MRC1: variants seen among roughly 807,000 people sequenced by gnomAD.
The protein encoded by MRC1 is macrophage mannose receptor 1.
MRC1 carries 62 observed loss-of-function variants against 102.9 expected under a neutral mutation model. The ratio of observed to expected loss-of-function variants is 0.60; its 90% CI spans 0.49 to 0.74. The LOEUF is 0.74. Among genes scored for constraint, MRC1 ranks in the 30% least tolerant of loss-of-function variants. The probability of loss-of-function intolerance (pLI) is 0.00; values close to 1 mark genes in which losing one functional copy is unlikely to be tolerated. For missense variants in MRC1, 1,237 were observed against 862.8 expected, an observed-to-expected ratio of 1.43 and a Z score of -5.43; for synonymous variants, 457 against 298.4, an observed-to-expected ratio of 1.53 and a Z score of -5.48.
At chr10:17,831,686 T>G (rs1430347927) in intron 3 of MRC1, among the ~76,000 whole-genome samples, 2 of 151,440 alleles carry the variant, frequency 1.3e-5, no homozygotes, top group African/African-American at 4.9e-5. Flanking sequence ...ACTTCCTTTT[T>G]TCCTTACAAA....
rs1305039013 is a variant in MRC1, at chr10:17,910,314, C to T, written c.4220C>T (p.Ala1407Val). 2.6e-6 allele frequency: 2 copies of T among 780,662 alleles called. No individual in the cohort carries two copies. The highest frequency in any genetic ancestry group is 4.8e-6 in the Non-Finnish European group (2 of 417,964). The allele number at this position is 780,662 out of a possible 1,614,324, so 48.4% of individuals were successfully genotyped here. A position where few individuals can be genotyped will look rare whatever the true frequency, so the allele number is the denominator to read the frequency against. ...LLILTGAGLA[A>V]YFFYKKRRVH... is the part of the protein sequence containing the mutation. ...ATTTTAACGGGTGCTGGCCTTGCCG[C>T]CTATTTCTTTTATAAGAAAAGACGT... Residue 1407 changes from alanine to valine, a missense_variant, in exon 30 of 30, where the codon GCC becomes GTC. Physicochemically the swap from Ala to Val is moderately conservative, Grantham distance 64. Coordinates refer to ENST00000569591, the MANE Select transcript of MRC1 (RefSeq NM_002438.4).
chr10:17,812,075 C>G (rs1838231872), intron 1 of MRC1, among the ~76,000 whole-genome samples: 1 of 152,128 alleles, frequency 6.6e-6, no homozygotes. Flanking sequence ...TATTTCTTTT[C>G]AATCCACACC....
At chr10:17,906,783 T>C (rs1833901736) in intron 26 of MRC1, 103 bp from the exon 27 acceptor site, 2 of 775,510 alleles carry the variant, frequency 2.6e-6, no homozygotes, top group Non-Finnish European at 4.8e-6. Context: ...TAAGTGGAGA[T>C]GTTAGGCTGA....
At chr10:17,840,849 T>C (rs1838739175) in intron 5 of MRC1, 43 bp downstream of exon 5, 1 of 780,576 alleles carries the variant, frequency 1.3e-6, no homozygotes, top group Non-Finnish European at 2.4e-6. Flanking sequence ...CAAATTTAAG[T>C]CATCTAGACG....
At chr10:17,908,077 A>T (rs1330874632) in intron 28 of MRC1, among the ~76,000 whole-genome samples, 1 of 152,222 alleles carries the variant, frequency 6.6e-6, no homozygotes, top group Non-Finnish European at 1.5e-5. Context: ...ATCAGAATTG[A>T]TTGTGGAATG....
intron 4 of MRC1, among the ~76,000 whole-genome samples, chr10:17,837,021 GAGA>G (rs1838675659): frequency 6.6e-6 from 1 of 152,190 alleles, no homozygotes; most frequent in Admixed American, 6.5e-5. Flanking sequence ...ACCAGCTACA[GAGA>G]AGGAGCAAGT....
chr10:17,845,068 C>T (rs1838805340), intron 5 of MRC1: 2 of 768,782 alleles, frequency 2.6e-6, no homozygotes, highest in Non-Finnish European at 4.9e-6. Flanking sequence ...TTTGCTTTAT[C>T]AACATTCTAA....
intron 11 of MRC1, chr10:17,865,307 C>G (rs1382299034): frequency 6.6e-6 from 1 of 152,154 alleles, no homozygotes; most frequent in African/African-American, 2.4e-5. Flanking sequence ...ATTGAACTTT[C>G]TGAAACATAG....
intron 17 of MRC1, among the ~76,000 whole-genome samples, chr10:17,877,248 A>G (rs1042068468): frequency 6.7e-6 from 1 of 148,228 alleles, no homozygotes; most frequent in Non-Finnish European, 1.5e-5. Flanking sequence ...ATTATAATAT[A>G]TATGTAATAT....
Position 17,894,282 on chromosome 10 carries a change from A to G in MRC1, c.3220A>G (p.Lys1074Glu). The G allele has an allele frequency of 3.4e-6, 3 of 872,722 alleles. No individual in the cohort carries two copies. The highest frequency in any genetic ancestry group is 6.0e-6 in the Non-Finnish European group (3 of 501,506). The allele number at this position is 872,722 out of a possible 1,614,324, so 54.1% of individuals were successfully genotyped here. A position where few individuals can be genotyped will look rare whatever the true frequency, so the allele number is the denominator to read the frequency against. ...ATGGATGGATGATACCTGCGACAGT[A>G]AACGAGGCTACATATGCCAGACACG... is the stretch of plus-strand genomic sequence containing the variant. ...GKWMDDTCDSKRGYICQTRSD... is the reference protein window; with the variant it reads ...GKWMDDTCDSERGYICQTRSD... Residue 1074 changes from lysine to glutamate, a missense_variant, in exon 23 of 30, where the codon AAA (lysine) becomes GAA (glutamate). Lys to Glu is a moderately conservative substitution (Grantham distance 56). Transcript: ENST00000569591.
In MRC1 at chr10:17,852,218, A is replaced by C. The variant is rs893157678; in HGVS notation, c.1250-749A>C. ...TCAATAATGTTCTCCATAGAATTTCAAAACAAAATGATCATGTTTTAAATC... is the reference window on the plus strand; with the variant it reads ...TCAATAATGTTCTCCATAGAATTTCCAAACAAAATGATCATGTTTTAAATC... On this transcript the variant is annotated intron_variant, in intron 7 of 29. Transcript: ENST00000569591. Among the ~76,000 whole-genome samples the C allele has an allele frequency of 3.3e-5, 5 of 152,212 alleles. No homozygotes were observed. The South Asian group carries it at 1.0e-3, about 31-fold the overall frequency.
chr10:17,849,681 C>A lies in MRC1; in HGVS notation c.1166C>A (p.Thr389Asn). The change falls in exon 7 of 30, where the codon ACC (threonine) becomes AAC (asparagine). Residue 389 changes from threonine to asparagine, a missense_variant. Physicochemically the swap from Thr to Asn is moderately conservative, Grantham distance 65. Transcript: ENST00000569591. ...AAAAAAATCCAGAGGGATGCTCTGACCACCTGCAGGAAGGAAGGCGGTGAC... is the reference window on the plus strand; with the variant it reads ...AAAAAAATCCAGAGGGATGCTCTGAACACCTGCAGGAAGGAAGGCGGTGAC... ...DEKKIQRDAL[T>N]TCRKEGGDLT... 1 of 780,936 alleles carries A rather than the reference C, an allele frequency of 1.3e-6. No homozygotes were observed. Among genetic ancestry groups the A allele is most frequent in the Non-Finnish European group, 2.4e-6 (1 of 418,112 alleles). The allele number at this position is 780,936 out of a possible 1,614,324, so 48.4% of individuals were successfully genotyped here.
At chr10:17,846,268 C>T (rs1298549263) in intron 6 of MRC1, among the ~76,000 whole-genome samples, 1 of 152,210 alleles carries the variant, frequency 6.6e-6, no homozygotes, top group Non-Finnish European at 1.5e-5. Context: ...TTGTGTTGTC[C>T]CTTACAATTT....
Position 17,898,238 on chromosome 10 carries a change from G to A in MRC1, c.3455G>A (p.Arg1152His), listed in dbSNP as rs1014903274. The A allele has an allele frequency of 4.2e-5, 33 of 780,714 alleles. No individual in the cohort carries two copies. The highest frequency in any genetic ancestry group is 6.2e-5 in the Non-Finnish European group (26 of 417,946). 48.4% of individuals were successfully genotyped at this position (780,714 alleles called of 1,614,324 possible). A position where few individuals can be genotyped will look rare whatever the true frequency, so the allele number is the denominator to read the frequency against. ...AWLQMETSNE[R>H]VWIALNSNLT... is the part of the protein sequence containing the mutation. ...CTGCAGATGGAAACATCTAATGAAC[G>A]TGTGTGGATCGCCCTGAACAGTAAC... The change falls in exon 24 of 30, where the codon CGT becomes CAT. Residue 1152 changes from arginine (R) to histidine (H), a missense_variant. Physicochemically the swap from Arg to His is conservative, Grantham distance 29. Transcript: ENST00000569591.
In MRC1 at chr10:17,910,579, G is replaced by A; in HGVS notation, c.*114G>A. On this transcript the variant is annotated 3_prime_UTR_variant, in exon 30 of 30. Coordinates refer to ENST00000569591, the MANE Select transcript of MRC1 (RefSeq NM_002438.4). ...AATGAGTACTGAATTGTACTGGTCTGTCCTTTTTTCCTTTGCCTAATTGAA... is the reference window on the plus strand; with the variant it reads ...AATGAGTACTGAATTGTACTGGTCTATCCTTTTTTCCTTTGCCTAATTGAA... 2.7e-6 allele frequency: 2 copies of A among 742,810 alleles called. No individual in the cohort carries two copies. Among genetic ancestry groups the A allele is most frequent in the Non-Finnish European group, 5.0e-6 (2 of 402,112 alleles). The allele number at this position is 742,810 out of a possible 1,614,324, so 46.0% of individuals were successfully genotyped here.
intron 5 of MRC1, among the ~76,000 whole-genome samples, chr10:17,843,038 T>A (rs1838773773): frequency 6.6e-6 from 1 of 152,234 alleles, no homozygotes; most frequent in Non-Finnish European, 1.5e-5. Context: ...TATTAAAATA[T>A]ATTCACTTTT....
At chr10:17,812,717 A>G (rs1020439154) in intron 1 of MRC1, among the ~76,000 whole-genome samples, 1 of 151,608 alleles carries the variant, frequency 6.6e-6, no homozygotes, top group Non-Finnish European at 1.5e-5. Context: ...GATTACAGGC[A>G]CCCGCCACCA....
At chr10:17,830,322 G>T (rs1204421018) in intron 3 of MRC1, among the ~76,000 whole-genome samples, 2 of 151,070 alleles carry the variant, frequency 1.3e-5, no homozygotes, top group African/African-American at 4.9e-5. Context: ...AGTAGAGAAG[G>T]GGTTTCACCA....
intron 15 of MRC1, among the ~76,000 whole-genome samples, chr10:17,873,276 T>C (rs1345454754): frequency 2.0e-5 from 3 of 152,210 alleles, no homozygotes; most frequent in Admixed American, 2.0e-4. Flanking sequence ...TATAAATAAA[T>C]AGTTCACATT....
Sources: allele counts gnomAD v4.1 joint callset (sites outside exome capture counted in the v4.1 genomes callset), GRCh38; gene constraint gnomAD v4.1.1; transcripts MANE v1.5; gene names NCBI Gene and HGNC (gene_info 2026-07-23, HGNC 2026-07-21).